The following HNRNPUL1 variants were observed in gnomAD, a reference collection of about 807,000 sequenced individuals.
HNRNPUL1 encodes heterogeneous nuclear ribonucleoprotein U like 1.
In HNRNPUL1, 14 loss-of-function variants were observed where a neutral mutation model predicts 108.5. That is an observed-to-expected ratio of 0.13 (90% CI 0.09 to 0.20). HNRNPUL1 has a LOEUF of 0.20. Among genes scored for constraint, HNRNPUL1 ranks in the 10% least tolerant of loss-of-function variants. The pLI is 1.00. For synonymous variants in HNRNPUL1, 422 were observed against 445.2 expected, an observed-to-expected ratio of 0.95 and a Z score of 0.66; for missense variants, 804 against 1,168.3, an observed-to-expected ratio of 0.69 and a Z score of 4.55.
chr19:41,286,624 C>T (rs1477866047), intron 7 of HNRNPUL1: 1 of 152,004 alleles, frequency 6.6e-6, no homozygotes, highest in Non-Finnish European at 1.5e-5. Context: ...GCACTACAGC[C>T]CAGAACTGGG....
chr19:41,283,285 T>C (rs2036012866), intron 7 of HNRNPUL1, among the ~76,000 whole-genome samples: 1 of 152,138 alleles, frequency 6.6e-6, no homozygotes, highest in African/African-American at 2.4e-5. Flanking sequence ...ACTGTTTTTA[T>C]TTTATTTTTT....
intron 10 of HNRNPUL1, among the ~76,000 whole-genome samples, chr19:41,295,753 G>C (rs2036854882): frequency 6.6e-6 from 1 of 152,232 alleles, no homozygotes; most frequent in East Asian, 1.9e-4. Flanking sequence ...CTCCTGATAA[G>C]AGTGGAGGTG....
rs771830197 is a variant in HNRNPUL1 at position 41,302,649 on chromosome 19, ACTTC to A, written c.1688-9_1688-6del. ...CTCTTCTTCTTGTTCTCTTTGGGGC[ACTTC>A]CTTCCTCCTAGCCAACTTCACGTTG... On this transcript the variant is annotated splice_polypyrimidine_tract_variant and intron_variant, in intron 11 of 14. Transcript: ENST00000392006. 2.5e-6 allele frequency: 4 copies of A among 1,613,910 alleles called. No individual in the cohort carries two copies. In the South Asian group the frequency reaches 3.3e-5, roughly 13 times the overall value.
In HNRNPUL1 at chr19:41,292,151, C is replaced by A; in HGVS notation, c.1000-94C>A. On this transcript the variant is annotated intron_variant, in intron 7 of 14. Coordinates refer to ENST00000392006, the MANE Select transcript of HNRNPUL1 (RefSeq NM_007040.6). This position sits in a 1 kb window ranked among gnomAD's most constrained non-coding sequence, Gnocchi z 4.1. ...ATGCACTTCAATCTGGAAAGCTGTC[C>A]ACATTCTACTCCCTGCATCTACTGT... is the stretch of plus-strand genomic sequence containing the variant. The A allele has an allele frequency of 7.7e-7, 1 of 1,301,496 alleles. No individual in the cohort carries two copies. The highest frequency in any genetic ancestry group is 1.1e-6 in the Non-Finnish European group (1 of 914,954). The allele number at this position is 1,301,496 out of a possible 1,614,324, so 80.6% of individuals were successfully genotyped here. A position where few individuals can be genotyped will look rare whatever the true frequency, so the allele number is the denominator to read the frequency against.
chr19:41,304,170 C>A lies in HNRNPUL1; in HGVS notation c.2171C>A (p.Pro724Gln), dbSNP rs912928253. The A allele has an allele frequency of 1.4e-5, 23 of 1,614,216 alleles. No homozygotes were observed. The highest frequency in any genetic ancestry group is 1.9e-5 in the Non-Finnish European group (23 of 1,180,038). ...AGCTACAGCCCTGCTCGGAACCCCCCAGGGGCCAGCACCTACAATAAGAAC... is the reference window on the plus strand; with the variant it reads ...AGCTACAGCCCTGCTCGGAACCCCCAAGGGGCCAGCACCTACAATAAGAAC... ...PPSYSPARNP[P>Q]GASTYNKNSN... Residue 724 changes from proline to glutamine, a missense_variant, in exon 13 of 15, where the codon CCA becomes CAA. By Grantham distance (76) the Pro-to-Gln change is moderately conservative (BLOSUM62 -1). Around this residue, in one of 4 missense-constraint regions of HNRNPUL1, gnomAD observed 294 missense variants for 388.3 expected, o/e 0.76. Transcript: ENST00000392006.
chr19:41,266,560 G>A (rs888764099), intron 1 of HNRNPUL1, among the ~76,000 whole-genome samples: 7 of 152,126 alleles, frequency 4.6e-5, no homozygotes, highest in African/African-American at 1.7e-4. Context: ...GAAGTGCTGG[G>A]ATTACAGGCG....
At chr19:41,268,551 A>G (rs2035004266) in intron 2 of HNRNPUL1, among the ~76,000 whole-genome samples, 1 of 152,096 alleles carries the variant, frequency 6.6e-6, no homozygotes, top group Admixed American at 6.6e-5. Flanking sequence ...GTTCCATGGT[A>G]TCTGTAAAAA....
chr19:41,280,410 T>TTCA (rs1415436047), intron 6 of HNRNPUL1, among the ~76,000 whole-genome samples: 1 of 152,162 alleles, frequency 6.6e-6, no homozygotes, highest in Non-Finnish European at 1.5e-5. Context: ...GTATACAGTT[T>TTCA]TCATTTCCAT....
chr19:41,270,479 TA>T (rs113707725), intron 2 of HNRNPUL1, among the ~76,000 whole-genome samples: 1 of 151,500 alleles, frequency 6.6e-6, no homozygotes, highest in Admixed American at 6.6e-5. Flanking sequence ...TTTTTTTTAA[TA>T]AAAAAATAGA....
In HNRNPUL1 at chr19:41,302,841, G is replaced by C; in HGVS notation, c.1864G>C (p.Gly622Arg). The change falls in exon 12 of 15, where the codon GGT becomes CGT. Residue 622 changes from glycine to arginine, a missense_variant. Physicochemically the swap from Gly to Arg is moderately radical, Grantham distance 125. This residue lies in a region of HNRNPUL1 where 294 missense variants were observed against 388.3 expected (regional missense o/e 0.76). Coordinates refer to ENST00000392006, the MANE Select transcript of HNRNPUL1 (RefSeq NM_007040.6). ...TGGTGGTGGCTTCCGGGGCCGCGGG[G>C]GTGGTGGTGGCTTCCAGCGCTATGA... ...RGGGGFRGRG[G>R]GGGFQRYENR... 6.3e-7 allele frequency: 1 copy of C among 1,592,270 alleles called. No individual in the cohort carries two copies. The highest frequency in any genetic ancestry group is 1.7e-4 in the Middle Eastern group (1 of 5,940).
chr19:41,290,994 C>T (rs1398282850), intron 7 of HNRNPUL1, among the ~76,000 whole-genome samples: 1 of 152,132 alleles, frequency 6.6e-6, no homozygotes, highest in Non-Finnish European at 1.5e-5. Context: ...TGTGGTGGGC[C>T]GAGATTGCGC....
In HNRNPUL1 at chr19:41,306,604, T is replaced by G; in HGVS notation, c.*39T>G. On this transcript the variant is annotated 3_prime_UTR_variant, in exon 15 of 15. Coordinates refer to ENST00000392006, the MANE Select transcript of HNRNPUL1 (RefSeq NM_007040.6). ...GAGGCTCCCGGAGGCCCCTGCCGGC[T>G]TCCTCCACCAGCGCCTGCCTCGGCC... The G allele has an allele frequency of 5.5e-5, 69 of 1,256,092 alleles. No homozygotes were observed. Among genetic ancestry groups the G allele is most frequent in the Non-Finnish European group, 7.0e-5 (64 of 919,580 alleles). The allele number at this position is 1,256,092 out of a possible 1,614,324, so 77.8% of individuals were successfully genotyped here. A position where few individuals can be genotyped will look rare whatever the true frequency, so the allele number is the denominator to read the frequency against.
intron 5 of HNRNPUL1, among the ~76,000 whole-genome samples, chr19:41,277,199 G>A (rs1406124907): frequency 2.0e-5 from 3 of 152,050 alleles, no homozygotes; most frequent in Non-Finnish European, 4.4e-5. Context: ...GGGAACTTCT[G>A]TGTTAACAAT....
Position 41,302,847 on chromosome 19 carries a change from G to A in HNRNPUL1, c.1870G>A (p.Gly624Ser). The A allele has an allele frequency of 6.3e-7, 1 of 1,589,532 alleles. No homozygotes were observed. Among genetic ancestry groups the A allele is most frequent in the Non-Finnish European group, 8.6e-7 (1 of 1,166,050 alleles). Residue 624 changes from glycine (G) to serine (S), a missense_variant, in exon 12 of 15, where the codon GGT becomes AGT. Physicochemically the swap from Gly to Ser is moderately conservative, Grantham distance 56. Coordinates refer to ENST00000392006, the MANE Select transcript of HNRNPUL1 (RefSeq NM_007040.6). ...TGGCTTCCGGGGCCGCGGGGGTGGT[G>A]GTGGCTTCCAGCGCTATGAAAACCG... ...GGGFRGRGGG[G>S]GFQRYENRGP...
intron 10 of HNRNPUL1, among the ~76,000 whole-genome samples, chr19:41,299,263 A>G (rs1486098377): frequency 6.6e-6 from 1 of 152,176 alleles, no homozygotes; most frequent in Non-Finnish European, 1.5e-5. Context: ...GGGTAGGGAC[A>G]CTTTCCCTGG....
chr19:41,290,131 G>GCTT (rs1568448105), intron 7 of HNRNPUL1, among the ~76,000 whole-genome samples: 1 of 152,132 alleles, frequency 6.6e-6, no homozygotes, highest in African/African-American at 2.4e-5. Context: ...AAGGGAGGGT[G>GCTT]CTTCTGTCGC....
At chr19:41,263,817 T>A (rs1176208457), upstream of HNRNPUL1, among the ~76,000 whole-genome samples, 1 of 152,188 alleles carries the variant, frequency 6.6e-6, no homozygotes, top group Non-Finnish European at 1.5e-5. Flanking sequence ...GGGCAGATTG[T>A]TTTGAAACCG....
intron 10 of HNRNPUL1, among the ~76,000 whole-genome samples, chr19:41,297,058 A>G (rs1341352077): frequency 6.6e-6 from 1 of 152,198 alleles, no homozygotes; most frequent in Admixed American, 6.5e-5. Flanking sequence ...TCTCAGGTAT[A>G]TCGGGGCTTT....
At chr19:41,297,795 C>T (rs889774367) in intron 10 of HNRNPUL1, among the ~76,000 whole-genome samples, 1 of 152,192 alleles carries the variant, frequency 6.6e-6, no homozygotes, top group African/African-American at 2.4e-5. Context: ...TTCTAGTCCT[C>T]ATTTGCATCC....
Sources: gnomAD v4.1 joint callset for allele counts (sites outside exome capture counted in the v4.1 genomes callset) on GRCh38, gnomAD v4.1.1 for gene constraint, gnomAD v4.1.1 regional missense constraint, Gnocchi (gnomAD v3.1) non-coding constraint, MANE v1.5 for transcripts, NCBI Gene and HGNC (gene_info 2026-07-23, HGNC 2026-07-21) for gene names.